TANC2: variants seen among roughly 807,000 people sequenced by gnomAD.
The protein encoded by TANC2 is tetratricopeptide repeat, ankyrin repeat and coiled-coil containing 2.
TANC2 carries 26 observed loss-of-function variants against 210.5 expected under a neutral mutation model. The observed-to-expected ratio is 0.12, with a 90% CI of 0.09 to 0.17. The LOEUF is 0.17. TANC2 is among the 10% of genes least tolerant of loss of function. The pLI is 1.00. For synonymous variants in TANC2, 931 were observed against 967.1 expected (o/e 0.96, Z 0.69); for missense variants, 2,129 against 2,608.9 (o/e 0.82, Z 4.01).
At position 63,421,823 on chromosome 17, in the gene TANC2, G is replaced by T. The variant is rs777486319; in HGVS notation, c.6093G>T (p.Val2031=). 11 of 1,613,928 alleles carry T rather than the reference G, an allele frequency of 6.8e-6. No individual in the cohort carries two copies. Among genetic ancestry groups the T allele is most frequent in the Middle Eastern group, 1.6e-4 (1 of 6,082 alleles). ...GCCAGGCCTCCTCCTATCCCGACGTGAAGGTAGCTCGGACTCTACCTGTGG... is the reference window on the plus strand; with the variant it reads ...GCCAGGCCTCCTCCTATCCCGACGTTAAGGTAGCTCGGACTCTACCTGTGG... Residue 2031 remains valine (V), a synonymous_variant, in exon 28 of 28, where the codon GTG becomes GTT. Coordinates refer to ENST00000689528, the Ensembl canonical transcript of TANC2. The surrounding 1 kb of genome is among the most constrained non-coding windows in gnomAD (Gnocchi z 6.9).
chr17:63,033,780 A>G (rs1285705393), intron 2 of TANC2, among the ~76,000 whole-genome samples: 1 of 152,108 alleles, frequency 6.6e-6, no homozygotes, highest in East Asian at 1.9e-4. Flanking sequence ...TATCCAGGGG[A>G]TGTTAGATAT....
At chr17:63,264,034 G>T (rs914670304) in intron 8 of TANC2, among the ~76,000 whole-genome samples, 3 of 152,184 alleles carry the variant, frequency 2.0e-5, no homozygotes, top group Non-Finnish European at 4.4e-5. Flanking sequence ...TAGGCAGTTT[G>T]GTTAGGTTTG....
At chr17:63,057,816 C>T (rs997005724) in intron 2 of TANC2, among the ~76,000 whole-genome samples, 2 of 152,258 alleles carry the variant, frequency 1.3e-5, no homozygotes, top group East Asian at 1.9e-4. Context: ...ACCACATTTT[C>T]GTTACCCAGT....
chr17:63,404,372 G>T (rs1279308045), intron 19 of TANC2, among the ~76,000 whole-genome samples: 1 of 152,168 alleles, frequency 6.6e-6, no homozygotes, highest in Non-Finnish European at 1.5e-5. Context: ...AGATCATATT[G>T]TCAGTGGACA....
intron 5 of TANC2, 51 bp downstream of exon 5, chr17:63,151,431 G>A: frequency 1.1e-6 from 1 of 886,612 alleles, no homozygotes; most frequent in Non-Finnish European, 1.4e-6. Flanking sequence ...ATTGGATCAG[G>A]CCCATCCAGC....
intron 1 of TANC2, among the ~76,000 whole-genome samples, chr17:62,990,971 T>C (rs137921104): frequency 5.8e-4 from 89 of 152,166 alleles, no homozygotes; most frequent in African/African-American, 2.0e-3. Context: ...TGCTAAGAGG[T>C]GAAAAGGGTC....
At chr17:63,113,189 A>G (rs1426980230) in intron 4 of TANC2, among the ~76,000 whole-genome samples, 1 of 152,242 alleles carries the variant, frequency 6.6e-6, no homozygotes, top group African/African-American at 2.4e-5. Context: ...GTATGGGATA[A>G]TATAAAGCTT....
At chr17:63,411,414 CAGT>C in intron 21 of TANC2, 94 bp from the exon 22 acceptor site, 4 of 1,186,286 alleles carry the variant, frequency 3.4e-6, no homozygotes, top group Non-Finnish European at 4.7e-6. Context: ...CAGAAACGAG[CAGT>C]GTTCTTTGCA....
chr17:63,121,978 G>A (rs1189958091), intron 4 of TANC2, among the ~76,000 whole-genome samples: 1 of 151,234 alleles, frequency 6.6e-6, no homozygotes, highest in Non-Finnish European at 1.5e-5. Context: ...TGCGGGGGGA[G>A]GGGGGAAGAG....
intron 9 of TANC2, among the ~76,000 whole-genome samples, chr17:63,307,554 T>C (rs943578624): frequency 1.3e-5 from 2 of 152,318 alleles, no homozygotes; most frequent in East Asian, 1.9e-4. Flanking sequence ...ATAAAGAGGA[T>C]TTCTGCTACA....
intron 2 of TANC2, among the ~76,000 whole-genome samples, chr17:63,026,695 T>C (rs2034568719): frequency 6.6e-6 from 1 of 152,186 alleles, no homozygotes; most frequent in Admixed American, 6.5e-5. Context: ...TGTTAAACTT[T>C]TGCACTAAAT....
At chr17:63,411,784 C>T (rs978962264) in intron 22 of TANC2, 98 bp downstream of exon 22, 4 of 1,468,090 alleles carry the variant, frequency 2.7e-6, no homozygotes, top group Non-Finnish European at 3.7e-6. Context: ...TTGATGATTC[C>T]TGATACAGAG....
chr17:63,202,284 G>A (rs139624237), intron 7 of TANC2, among the ~76,000 whole-genome samples: 2,056 of 152,162 alleles, frequency 0.014, 24 homozygotes, highest in Middle Eastern at 0.024. Context: ...AAGAATTTAA[G>A]AATAGTATAA....
intron 17 of TANC2, chr17:63,391,197 G>C (rs1022440800): frequency 6.6e-6 from 1 of 152,082 alleles, no homozygotes; most frequent in Non-Finnish European, 1.5e-5. Flanking sequence ...AAAAAGAAAT[G>C]TTCCTCTCCC....
At chr17:63,061,297 G>A (rs951410111) in intron 2 of TANC2, among the ~76,000 whole-genome samples, 1 of 151,472 alleles carries the variant, frequency 6.6e-6, no homozygotes, top group Non-Finnish European at 1.5e-5. Context: ...AATCCAGGAG[G>A]TGGAAGTTGC....
At chr17:63,352,884 C>G (rs1168254422) in intron 13 of TANC2, among the ~76,000 whole-genome samples, 1 of 152,062 alleles carries the variant, frequency 6.6e-6, no homozygotes, top group Non-Finnish European at 1.5e-5. Flanking sequence ...TATTCCCATC[C>G]TCCTAAAGCT....
intron 18 of TANC2, 191 bp downstream of exon 18, chr17:63,396,119 G>A (rs1031729180): frequency 3.5e-6 from 2 of 570,952 alleles, no homozygotes; most frequent in African/African-American, 1.9e-5. Context: ...CAAATTATAG[G>A]TATAGAAAGG....
intron 11 of TANC2, 37 bp from the exon 12 acceptor site, chr17:63,340,064 T>C (rs774549751): frequency 2.0e-6 from 3 of 1,491,344 alleles, no homozygotes; most frequent in Non-Finnish European, 2.8e-6. Flanking sequence ...CTCTTACTAC[T>C]GATAAGCCTG....
intron 4 of TANC2, among the ~76,000 whole-genome samples, chr17:63,136,749 G>A (rs927271552): frequency 1.3e-5 from 2 of 152,194 alleles, no homozygotes; most frequent in African/African-American, 2.4e-5. Flanking sequence ...ATAATTGACA[G>A]CATGGTAATG....
Sources: gnomAD v4.1 joint callset for allele counts (sites outside exome capture counted in the v4.1 genomes callset) on GRCh38, gnomAD v4.1.1 for gene constraint, Gnocchi (gnomAD v3.1) non-coding constraint, MANE v1.5 for transcripts, NCBI Gene and HGNC (gene_info 2026-07-23, HGNC 2026-07-21) for gene names.